SLC44A5: variants seen among roughly 807,000 people sequenced by gnomAD.
SLC44A5 encodes solute carrier family 44 member 5.
In SLC44A5, 57 loss-of-function variants were observed where a neutral mutation model predicts 101.8. That is an observed-to-expected ratio of 0.56 (90% CI 0.45 to 0.70). The LOEUF is 0.70. Among genes scored for constraint, SLC44A5 ranks in the 30% least tolerant of loss-of-function variants. The pLI, the probability that SLC44A5 is intolerant of heterozygous loss-of-function variation, is 0.00. For missense variants in SLC44A5, 737 were observed against 853.1 expected (o/e 0.86, Z 1.70); for synonymous variants, 281 against 290.9 (o/e 0.97, Z 0.35).
chr1:75,309,107 A>G (rs1249389086), intron 4 of SLC44A5, among the ~76,000 whole-genome samples: 1 of 152,226 alleles, frequency 6.6e-6, no homozygotes, highest in Non-Finnish European at 1.5e-5. Flanking sequence ...TTTATAATAA[A>G]GAAAAGTTGA....
intron 3 of SLC44A5, among the ~76,000 whole-genome samples, chr1:75,390,989 A>G (rs977746434): frequency 1.3e-5 from 2 of 152,230 alleles, no homozygotes; most frequent in African/African-American, 4.8e-5. Flanking sequence ...AAATGACTTC[A>G]GTAAAGTTTT....
chr1:75,300,693 CA>C lies in SLC44A5; in HGVS notation c.102-9del. ...AGAACATCTGTACAACTCCTAAAGA[CA>C]AAAAAAGAAATAAATAATTAAAAGA... On this transcript the variant is annotated splice_polypyrimidine_tract_variant and intron_variant, in intron 4 of 23. Coordinates refer to ENST00000370859, the MANE Select transcript of SLC44A5 (RefSeq NM_001130058.2). The C allele has an allele frequency of 8.4e-6, 13 of 1,552,276 alleles. No individual in the cohort carries two copies. The highest frequency in any genetic ancestry group is 6.4e-5 in the South Asian group (5 of 78,636).
chr1:75,535,349 C>G (rs1429075321), intron 2 of SLC44A5, among the ~76,000 whole-genome samples: 4 of 152,124 alleles, frequency 2.6e-5, no homozygotes, highest in Admixed American at 6.5e-5. Flanking sequence ...CTGCCACCAC[C>G]CTGGGAGAAA....
rs1173919800 is a variant in SLC44A5 at position 75,381,932 on chromosome 1, AC to A, written c.52+14650del. ...TTGCATTCTTCTGTTCAGTCAGTAA[AC>A]TTTGTTAATGATTGGCAAAATAATT... On this transcript the variant is annotated intron_variant, in intron 3 of 23. Transcript: ENST00000370859. Among the ~76,000 whole-genome samples, 10 of 81,892 alleles carry A rather than the reference AC, an allele frequency of 1.2e-4. 4 individuals carry two copies. Among genetic ancestry groups the A allele is most frequent in the African/African-American group, 7.9e-4 (10 of 12,584 alleles). 53.7% of individuals were successfully genotyped at this position (81,892 alleles called of 152,430 possible).
At chr1:75,421,277 A>G (rs910205530) in intron 2 of SLC44A5, among the ~76,000 whole-genome samples, 4 of 152,128 alleles carry the variant, frequency 2.6e-5, no homozygotes, top group African/African-American at 9.7e-5. Context: ...TAGGACTAGG[A>G]ACCCTGCAGG....
intron 1 of SLC44A5, among the ~76,000 whole-genome samples, chr1:75,558,311 G>C (rs1360592435): frequency 2.6e-5 from 4 of 152,018 alleles, no homozygotes; most frequent in Non-Finnish European, 5.9e-5. Context: ...CAAGTTACTT[G>C]CTAGGACAAA....
At chr1:75,591,671 G>A (rs1420710235) in intron 1 of SLC44A5, among the ~76,000 whole-genome samples, 1 of 151,994 alleles carries the variant, frequency 6.6e-6, no homozygotes, top group African/African-American at 2.4e-5. Context: ...TAGAAAGATC[G>A]TTTATAATGA....
At chr1:75,475,686 T>C (rs556920123) in intron 2 of SLC44A5, among the ~76,000 whole-genome samples, 2 of 152,180 alleles carry the variant, frequency 1.3e-5, no homozygotes, top group South Asian at 2.1e-4. Flanking sequence ...AATGGAAACA[T>C]TACAGGATTA....
At chr1:75,445,560 T>C (rs542976915) in intron 2 of SLC44A5, among the ~76,000 whole-genome samples, 9 of 148,352 alleles carry the variant, frequency 6.1e-5, no homozygotes, top group Non-Finnish European at 1.2e-4. Flanking sequence ...TATGTATAAA[T>C]TATATATATA....
the SLC44A5 span, among the ~76,000 whole-genome samples, chr1:75,709,013 T>C: frequency 1.3e-5 from 2 of 152,238 alleles, no homozygotes; most frequent in Admixed American, 6.5e-5. Flanking sequence ...ATTTTGGCTA[T>C]GTTAAACTTG....
chr1:75,692,854 CCAGT>C, the SLC44A5 span, among the ~76,000 whole-genome samples: 3 of 151,992 alleles, frequency 2.0e-5, no homozygotes, highest in Non-Finnish European at 4.4e-5. Context: ...TGAAATGAGA[CCAGT>C]CAGTCTTTAG....
the SLC44A5 span, among the ~76,000 whole-genome samples, chr1:75,620,054 C>T: frequency 6.6e-6 from 1 of 152,180 alleles, no homozygotes; most frequent in Non-Finnish European, 1.5e-5. Flanking sequence ...TATTGTTCAA[C>T]TCCCACTTAT....
intron 3 of SLC44A5, among the ~76,000 whole-genome samples, chr1:75,370,709 T>C (rs1399641248): frequency 6.6e-6 from 1 of 152,194 alleles, no homozygotes; most frequent in East Asian, 1.9e-4. Context: ...AAACTGAGTA[T>C]CACCAAAGAG....
At chr1:75,490,293 A>G (rs1668361789) in intron 2 of SLC44A5, among the ~76,000 whole-genome samples, 2 of 152,134 alleles carry the variant, frequency 1.3e-5, no homozygotes, top group Admixed American at 1.3e-4. Flanking sequence ...GCTACATTTA[A>G]CCACTGGTAG....
chr1:75,345,380 C>A (rs577345689), intron 3 of SLC44A5, among the ~76,000 whole-genome samples: 14 of 152,176 alleles, frequency 9.2e-5, no homozygotes, highest in Admixed American at 3.3e-4. Context: ...GCCCCTCTAA[C>A]CTTCCATTTT....
At chr1:75,283,678 G>A (rs1439765078) in intron 5 of SLC44A5, among the ~76,000 whole-genome samples, 1 of 152,084 alleles carries the variant, frequency 6.6e-6, no homozygotes, top group Non-Finnish European at 1.5e-5. Flanking sequence ...TTTGTATAAG[G>A]TGAGAGATGA....
At chr1:75,300,752 A>T in intron 4 of SLC44A5, 67 bp from the exon 5 acceptor site, 1 of 1,001,718 alleles carries the variant, frequency 1.0e-6, no homozygotes, top group Non-Finnish European at 1.4e-6. Flanking sequence ...CCTGCACAAA[A>T]TGAAGGAAGA....
upstream of SLC44A5, among the ~76,000 whole-genome samples, chr1:75,615,347 G>C (rs1675822997): frequency 6.6e-6 from 1 of 151,770 alleles, no homozygotes; most frequent in Non-Finnish European, 1.5e-5. Flanking sequence ...CCCTAGGGAC[G>C]AAGGGGCGGA....
At chr1:75,708,533 C>T in the SLC44A5 span, among the ~76,000 whole-genome samples, 27 of 150,304 alleles carry the variant, frequency 1.8e-4, 1 homozygote, top group East Asian at 4.5e-3. Context: ...AGTTCAATGA[C>T]GGTTATTTCA....
Sources: allele counts gnomAD v4.1 joint callset (sites outside exome capture counted in the v4.1 genomes callset), GRCh38; gene constraint gnomAD v4.1.1; transcripts MANE v1.5; gene names NCBI Gene and HGNC (gene_info 2026-07-23, HGNC 2026-07-21).